Variants in HPSE2 observed in about 807,000 individuals in gnomAD.
HPSE2 encodes inactive heparanase-2.
A neutral mutation model predicts 60.5 loss-of-function variants in HPSE2; 38 were observed. That is an observed-to-expected ratio of 0.63 (90% CI 0.48 to 0.82). HPSE2 has a LOEUF of 0.82. Among genes scored for constraint, HPSE2 ranks in the 40% least tolerant of loss-of-function variants. HPSE2 has a pLI of 0.00. For missense variants in HPSE2, 713 were observed against 740.4 expected (o/e 0.96, Z 0.43); for synonymous variants, 295 against 293.2 (o/e 1.01, Z -0.06).
chr10:98,518,737 A>G, intron 9 of HPSE2, among the ~76,000 whole-genome samples: 1 of 151,304 alleles, frequency 6.6e-6, no homozygotes, highest in Non-Finnish European at 1.5e-5. Context: ...ATGATACTTT[A>G]GCCTATCTCA....
chr10:98,680,756 T>C (rs1031572323), intron 6 of HPSE2, among the ~76,000 whole-genome samples: 2 of 152,102 alleles, frequency 1.3e-5, no homozygotes, highest in African/African-American at 4.8e-5. Flanking sequence ...ATTGGTCATT[T>C]GTTATTTTTA....
At chr10:98,578,539 C>G (rs533152215) in intron 9 of HPSE2, among the ~76,000 whole-genome samples, 4 of 152,096 alleles carry the variant, frequency 2.6e-5, no homozygotes, top group South Asian at 4.2e-4. Flanking sequence ...TTAATAGGAA[C>G]AAAAATGTTC....
At chr10:98,560,313 T>A (rs745719195) in intron 9 of HPSE2, among the ~76,000 whole-genome samples, 2 of 152,224 alleles carry the variant, frequency 1.3e-5, no homozygotes, top group Non-Finnish European at 2.9e-5. Flanking sequence ...CGTTTCCTGA[T>A]AAGCCAGGGG....
rs542451210 is a variant in HPSE2 at position 98,856,993 on chromosome 10, A to C, written c.611-112937T>G. On this transcript the variant is annotated intron_variant, in intron 3 of 11. Coordinates refer to ENST00000370552, the MANE Select transcript of HPSE2 (RefSeq NM_021828.5). ...ATGGATAATATCTTCTTTCTCCTCTATCACTTCCTCACATTTAACTTCTCC... is the reference window on the plus strand; with the variant it reads ...ATGGATAATATCTTCTTTCTCCTCTCTCACTTCCTCACATTTAACTTCTCC... Among the ~76,000 whole-genome samples, 13 of 152,252 alleles carry C rather than the reference A, an allele frequency of 8.5e-5. No homozygotes were observed. In the South Asian group the frequency reaches 2.7e-3, roughly 32 times the overall value.
intron 3 of HPSE2, among the ~76,000 whole-genome samples, chr10:99,121,662 C>A (rs965056786): frequency 2.0e-5 from 3 of 152,052 alleles, no homozygotes; most frequent in African/African-American, 7.2e-5. Context: ...GGAAAATAAT[C>A]AGGATTAATA....
intron 4 of HPSE2, among the ~76,000 whole-genome samples, chr10:98,722,591 C>T (rs926199101): frequency 6.6e-6 from 1 of 152,018 alleles, no homozygotes; most frequent in African/African-American, 2.4e-5. Flanking sequence ...GCCAAAAAGT[C>T]AGAAAAAATA....
intron 6 of HPSE2, among the ~76,000 whole-genome samples, chr10:98,688,636 G>A (rs140801043): frequency 3.3e-3 from 492 of 151,016 alleles, no homozygotes; most frequent in Non-Finnish European, 4.8e-3. Flanking sequence ...CCACCAGCCC[G>A]GCTGATATTT....
At chr10:98,650,223 GA>G (rs1228536685) in intron 6 of HPSE2, among the ~76,000 whole-genome samples, 2 of 152,156 alleles carry the variant, frequency 1.3e-5, no homozygotes, top group African/African-American at 4.8e-5. Flanking sequence ...AGTCTCTGAG[GA>G]AAAGCCACAA....
chr10:98,914,686 T>A (rs1954069412), intron 3 of HPSE2, among the ~76,000 whole-genome samples: 1 of 150,122 alleles, frequency 6.7e-6, no homozygotes, highest in South Asian at 2.1e-4. Context: ...ACAATTCTTA[T>A]ATGTCAATTT....
At chr10:98,665,629 T>C (rs1462046557) in intron 6 of HPSE2, among the ~76,000 whole-genome samples, 1 of 152,218 alleles carries the variant, frequency 6.6e-6, no homozygotes, top group Non-Finnish European at 1.5e-5. Flanking sequence ...TGCAGCCTTT[T>C]TTCAGCATCC....
the HPSE2 span, among the ~76,000 whole-genome samples, chr10:99,301,060 AC>A: frequency 2.0e-5 from 3 of 152,160 alleles, no homozygotes; most frequent in Non-Finnish European, 4.4e-5. Context: ...TACAATATTG[AC>A]CCAAGTCCCT....
At chr10:98,891,513 A>G (rs1245834519) in intron 3 of HPSE2, among the ~76,000 whole-genome samples, 2 of 152,140 alleles carry the variant, frequency 1.3e-5, no homozygotes, top group Non-Finnish European at 2.9e-5. Flanking sequence ...CAGCAGCATG[A>G]TCATGGCTCC....
intron 3 of HPSE2, among the ~76,000 whole-genome samples, chr10:98,913,818 G>T (rs1954045322): frequency 6.6e-6 from 1 of 152,072 alleles, no homozygotes; most frequent in East Asian, 1.9e-4. Context: ...TTCTTGAAAG[G>T]GAAACATTTA....
At chr10:98,549,631 A>G (rs570087698) in intron 9 of HPSE2, among the ~76,000 whole-genome samples, 40 of 152,248 alleles carry the variant, frequency 2.6e-4, no homozygotes, top group Admixed American at 6.5e-4. Context: ...TATCTAATCA[A>G]TTTGGTCCAA....
intron 6 of HPSE2, among the ~76,000 whole-genome samples, chr10:98,656,480 T>C (rs1416526032): frequency 6.6e-6 from 1 of 152,164 alleles, no homozygotes; most frequent in East Asian, 1.9e-4. Context: ...TTAATGTGGG[T>C]TGTGCTTCTA....
intron 3 of HPSE2, among the ~76,000 whole-genome samples, chr10:98,923,456 G>A (rs1954344641): frequency 1.3e-5 from 2 of 152,084 alleles, no homozygotes; most frequent in Non-Finnish European, 2.9e-5. Flanking sequence ...GAAATTCTCT[G>A]ATACTATCCC....
chr10:99,292,889 T>A, the HPSE2 span, among the ~76,000 whole-genome samples: 1 of 152,160 alleles, frequency 6.6e-6, no homozygotes, highest in Non-Finnish European at 1.5e-5. Flanking sequence ...CAAACTTCTT[T>A]TGATAAACAT....
At position 98,614,983 on chromosome 10, in the gene HPSE2, C is replaced by T. The variant is rs1196639972; in HGVS notation, c.1241G>A (p.Gly414Asp). ...LNTLGMLANQ[G>D]IDVVIRHSFF... The stretch of plus-strand genomic sequence containing the variant: ...TGAGTGCCGTATCACGACATCAATG[C>T]CCTGATTGGCCAGCATTCCTAAAGT... Residue 414 changes from glycine (G) to aspartate (D), a missense_variant, in exon 9 of 12, where the codon GGC (glycine) becomes GAC (aspartate). Physicochemically the swap from Gly to Asp is moderately conservative, Grantham distance 94. Transcript: ENST00000370552. 1.2e-6 allele frequency: 2 copies of T among 1,613,964 alleles called. No homozygotes were observed. The highest frequency in any genetic ancestry group is 8.5e-7 in the Non-Finnish European group (1 of 1,179,904).
intron 3 of HPSE2, among the ~76,000 whole-genome samples, chr10:99,142,390 T>C (rs1177254772): frequency 2.0e-5 from 3 of 152,206 alleles, no homozygotes; most frequent in African/African-American, 7.2e-5. Flanking sequence ...GAAATTAAAA[T>C]AGTTTTACCA....
Sources: allele counts gnomAD v4.1 joint callset (sites outside exome capture counted in the v4.1 genomes callset), GRCh38; gene constraint gnomAD v4.1.1; transcripts MANE v1.5; gene names NCBI Gene and HGNC (gene_info 2026-07-23, HGNC 2026-07-21).